The following NSMCE2 variants were observed in gnomAD, a reference collection of about 807,000 sequenced individuals.
The protein encoded by NSMCE2 is NSE2 SUMO ligase component of SMC5/6 complex.
A neutral mutation model predicts 23.8 loss-of-function variants in NSMCE2; 24 were observed. That is an observed-to-expected ratio of 1.01 (90% CI 0.73 to 1.42). NSMCE2 has a LOEUF of 1.42. Ranked by LOEUF, NSMCE2 falls within the 40% of genes most tolerant of loss-of-function variation. NSMCE2 has a pLI of 0.00. For synonymous variants in NSMCE2, 92 were observed against 94.1 expected, an observed-to-expected ratio of 0.98 and a Z score of 0.13; for missense variants, 284 against 296.5, an observed-to-expected ratio of 0.96 and a Z score of 0.31.
intron 7 of NSMCE2, among the ~76,000 whole-genome samples, chr8:125,365,499 A>C (rs911454565): frequency 4.6e-5 from 7 of 152,100 alleles, no homozygotes; most frequent in Non-Finnish European, 1.5e-5. Flanking sequence ...CATTTTCCAG[A>C]TGTAAACCAA....
intron 5 of NSMCE2, among the ~76,000 whole-genome samples, chr8:125,205,437 G>A (rs1824073519): frequency 6.6e-6 from 1 of 152,140 alleles, no homozygotes; most frequent in Non-Finnish European, 1.5e-5. Flanking sequence ...TATTTGACAT[G>A]CATTATACTG....
At chr8:125,323,534 C>G (rs1829534078) in intron 5 of NSMCE2, among the ~76,000 whole-genome samples, 1 of 152,202 alleles carries the variant, frequency 6.6e-6, no homozygotes, top group African/African-American at 2.4e-5. Flanking sequence ...CATGCAAAGA[C>G]AGTTCCATGG....
rs1362016159 is a variant in NSMCE2, at chr8:125,102,437, C to G, written c.107C>G (p.Ser36Cys). Reference sequence around the variant, plus strand: ...AAAAACTTCCAAGCCTGTATCAACTCTGGTATGGACACAGCTTCTAGTGTT... The same window carrying G: ...AAAAACTTCCAAGCCTGTATCAACTGTGGTATGGACACAGCTTCTAGTGTT... ...SLKNFQACIN[S>C]GMDTASSVAL... The change falls in exon 3 of 8, where the codon TCT (serine) becomes TGT (cysteine). Residue 36 changes from serine to cysteine, a missense_variant. By Grantham distance (112) the Ser-to-Cys change is moderately radical. Coordinates refer to ENST00000287437, the MANE Select transcript of NSMCE2 (RefSeq NM_173685.4). 2 of 1,613,910 alleles carry G rather than the reference C, an allele frequency of 1.2e-6. No homozygotes were observed. Among genetic ancestry groups the G allele is most frequent in the Non-Finnish European group, 8.5e-7 (1 of 1,179,808 alleles).
rs879726022 is a variant in NSMCE2, at chr8:125,346,157, C to CA, written c.419-11050dup. 1.1e-3 allele frequency among the ~76,000 whole-genome samples: 138 copies of CA among 130,684 alleles called. 1 individual carries two copies. In the South Asian group the frequency reaches 0.012, roughly 11 times the overall value. The allele number at this position is 130,684 out of a possible 152,430, so 85.7% of individuals were successfully genotyped here. ...GGGCTACAAGAGCGAAACTCCGTCTCAAAAAAAAAAAAGAAGGCCATGTCT... is the reference window on the plus strand; with the variant it reads ...GGGCTACAAGAGCGAAACTCCGTCTCAAAAAAAAAAAAAGAAGGCCATGTCT... On this transcript the variant is annotated intron_variant, in intron 5 of 7. Coordinates refer to ENST00000287437, the MANE Select transcript of NSMCE2 (RefSeq NM_173685.4).
At chr8:125,293,643 G>A (rs986352404) in intron 5 of NSMCE2, among the ~76,000 whole-genome samples, 1 of 136,794 alleles carries the variant, frequency 7.3e-6, no homozygotes, top group Non-Finnish European at 1.6e-5. Context: ...AACATTATGA[G>A]GTTGCTGAGA....
chr8:125,165,496 G>C (rs1396010673), intron 4 of NSMCE2, among the ~76,000 whole-genome samples: 1 of 152,122 alleles, frequency 6.6e-6, no homozygotes, highest in Non-Finnish European at 1.5e-5. Context: ...ATTTTACTGG[G>C]TGGCCATCAC....
At chr8:125,143,358 G>T (rs1208690182) in intron 3 of NSMCE2, among the ~76,000 whole-genome samples, 3 of 152,166 alleles carry the variant, frequency 2.0e-5, no homozygotes, top group Non-Finnish European at 4.4e-5. Flanking sequence ...GTTTCAGAAA[G>T]TAAAATCTCC....
intron 5 of NSMCE2, among the ~76,000 whole-genome samples, chr8:125,346,395 T>G (rs1830437040): frequency 6.6e-6 from 1 of 152,240 alleles, no homozygotes; most frequent in Non-Finnish European, 1.5e-5. Flanking sequence ...CTTGAGTACC[T>G]GCACAGGTGG....
rs754259920 is a variant in NSMCE2, at chr8:125,357,836, A to C, written c.626+18A>C. 1.3e-6 allele frequency: 2 copies of C among 1,553,444 alleles called. No individual in the cohort carries two copies. Among genetic ancestry groups the C allele is most frequent in the Admixed American group, 1.7e-5 (1 of 59,880 alleles). ...AAGGCCTAGTGAGTGGACGCAGGGA[A>C]GGAAGTGGAGCCTTCCCTAGTGGTA... On this transcript the variant is annotated intron_variant, in intron 7 of 7. Coordinates refer to ENST00000287437, the MANE Select transcript of NSMCE2 (RefSeq NM_173685.4).
intron 5 of NSMCE2, among the ~76,000 whole-genome samples, chr8:125,344,397 C>T (rs1414568546): frequency 6.6e-6 from 1 of 152,142 alleles, no homozygotes; most frequent in Non-Finnish European, 1.5e-5. Context: ...ACAGGATGGA[C>T]TGCAACATTT....
In NSMCE2 at chr8:125,181,591, C is replaced by A. The variant is rs536532845; in HGVS notation, c.265-512C>A. On this transcript the variant is annotated intron_variant, in intron 4 of 7. Coordinates refer to ENST00000287437, the MANE Select transcript of NSMCE2 (RefSeq NM_173685.4). ...GTTGAGAATTTAGCCTTGAACAGAA[C>A]CAGGGGGCACTTATTCCTTGGCATG... is the stretch of plus-strand genomic sequence containing the variant. Among the ~76,000 whole-genome samples, 24 of 152,080 alleles carry A rather than the reference C, an allele frequency of 1.6e-4. No individual in the cohort carries two copies. In the South Asian group the frequency reaches 2.5e-3, roughly 16 times the overall value.
At chr8:125,093,265 G>A (rs1280521741) in intron 1 of NSMCE2, among the ~76,000 whole-genome samples, 1 of 152,096 alleles carries the variant, frequency 6.6e-6, no homozygotes, top group Non-Finnish European at 1.5e-5. Flanking sequence ...CATGAAAGTG[G>A]GCCTCATCAC....
At chr8:125,220,870 G>T (rs1212558690) in intron 5 of NSMCE2, among the ~76,000 whole-genome samples, 2 of 152,190 alleles carry the variant, frequency 1.3e-5, no homozygotes, top group Non-Finnish European at 2.9e-5. Flanking sequence ...TTGAGTTGCT[G>T]CCAAGTCTTG....
At chr8:125,133,350 C>G (rs1013635560) in intron 3 of NSMCE2, among the ~76,000 whole-genome samples, 1 of 152,124 alleles carries the variant, frequency 6.6e-6, no homozygotes, top group Non-Finnish European at 1.5e-5. Context: ...GGTTTTCTAG[C>G]TTAATGAAAG....
chr8:125,138,310 A>G (rs1022232544), intron 3 of NSMCE2, among the ~76,000 whole-genome samples: 2 of 152,010 alleles, frequency 1.3e-5, no homozygotes, highest in African/African-American at 4.8e-5. Context: ...TGCAGCCTTG[A>G]ATTCCTGGTT....
At chr8:125,325,516 AT>A in intron 5 of NSMCE2, among the ~76,000 whole-genome samples, 1 of 150,702 alleles carries the variant, frequency 6.6e-6, no homozygotes, top group African/African-American at 2.4e-5. Flanking sequence ...CACCTGGCTA[AT>A]TTTTTTTTAT....
chr8:125,363,414 G>A (rs1402435000), intron 7 of NSMCE2: 1 of 152,030 alleles, frequency 6.6e-6, no homozygotes, highest in African/African-American at 2.4e-5. Flanking sequence ...GCTGAGGTGG[G>A]AGGATTGCTT....
chr8:125,236,897 A>T (rs903899965), intron 5 of NSMCE2, among the ~76,000 whole-genome samples: 1 of 151,514 alleles, frequency 6.6e-6, no homozygotes, highest in African/African-American at 2.4e-5. Context: ...TCTTGTACCT[A>T]CTAAATACTG....
At chr8:125,285,527 T>C (rs1423608042) in intron 5 of NSMCE2, among the ~76,000 whole-genome samples, 1 of 152,098 alleles carries the variant, frequency 6.6e-6, no homozygotes, top group African/African-American at 2.4e-5. Flanking sequence ...TAGTTTCTGC[T>C]CTAATAGGGT....
Sources: allele counts gnomAD v4.1 joint callset (sites outside exome capture counted in the v4.1 genomes callset), GRCh38; gene constraint gnomAD v4.1.1; transcripts MANE v1.5; gene names NCBI Gene and HGNC (gene_info 2026-07-23, HGNC 2026-07-21).